The following ESR2 variants were observed in gnomAD, a reference collection of about 807,000 sequenced individuals.
The protein encoded by ESR2 is estrogen receptor 2, also known as estrogen receptor beta.
ESR2 carries 36 observed loss-of-function variants against 49.6 expected under a neutral mutation model. The ratio of observed to expected loss-of-function variants is 0.73; its 90% CI spans 0.56 to 0.96. The LOEUF is 0.96. Ranked by LOEUF, ESR2 falls within the 40% of genes least tolerant of loss-of-function variation. The pLI is 0.00. For synonymous variants in ESR2, 320 were observed against 266.1 expected (o/e 1.20, Z -1.97); for missense variants, 714 against 693.0 (o/e 1.03, Z -0.34).
chr14:64,253,889 T>C (rs1351580633), intron 6 of ESR2, among the ~76,000 whole-genome samples: 1 of 152,192 alleles, frequency 6.6e-6, no homozygotes, highest in African/African-American at 2.4e-5. Context: ...AATTTAACAT[T>C]AGTCAGTTGC....
intron 1 of ESR2, among the ~76,000 whole-genome samples, chr14:64,322,950 A>T (rs954695617): frequency 6.6e-6 from 1 of 152,228 alleles, no homozygotes; most frequent in Non-Finnish European, 1.5e-5. Flanking sequence ...TTATACAGTT[A>T]TTAAAGGAAG....
At chr14:64,268,747 G>C (rs1201198749) in intron 4 of ESR2, 48 bp downstream of exon 4, 1 of 1,101,844 alleles carries the variant, frequency 9.1e-7, no homozygotes, top group Non-Finnish European at 1.4e-6. Context: ...CAGAGGACAG[G>C]GCTTTTAGCA....
intron 1 of ESR2, among the ~76,000 whole-genome samples, chr14:64,335,331 G>T (rs1481063378): frequency 6.6e-6 from 1 of 152,090 alleles, no homozygotes; most frequent in Non-Finnish European, 1.5e-5. Context: ...CTTAACTTGG[G>T]CTGCTATAAC....
intron 1 of ESR2, among the ~76,000 whole-genome samples, chr14:64,310,780 A>T (rs907551201): frequency 6.6e-6 from 1 of 152,250 alleles, no homozygotes; most frequent in Non-Finnish European, 1.5e-5. Flanking sequence ...ACTTTTACGT[A>T]CAGTACTTTC....
At position 64,260,507 on chromosome 14, in the gene ESR2, C is replaced by A. The variant is rs1319596942; in HGVS notation, c.894G>T (p.Leu298=). ...PFTEASMMMS[L]TKLADKELVH... ...CCAACTCCTTGTCGGCCAACTTGGT[C>A]AGGGACATCATCATGGAGGCCTCGG... The change falls in exon 5 of 9, where the codon CTG becomes CTT. Residue 298 remains leucine (L), a synonymous_variant. Transcript: ENST00000341099. The A allele has an allele frequency of 4.5e-6, 7 of 1,542,802 alleles. No homozygotes were observed. The highest frequency in any genetic ancestry group is 4.1e-5 in the Admixed American group (2 of 48,544).
chr14:64,235,059 C>A lies in ESR2; in HGVS notation c.1317G>T (p.Trp439Cys), dbSNP rs113652563. 3.7e-4 allele frequency: 599 copies of A among 1,614,204 alleles called. No homozygotes were observed. Among genetic ancestry groups the A allele is most frequent in the Non-Finnish European group, 4.9e-4 (579 of 1,180,038 alleles). ...AGGAGATGCCGCTCTTGGCAATCAC[C>A]CAAACCAAAGCATCGGTCACGGCGT... is the stretch of plus-strand genomic sequence containing the variant. ...LLNAVTDALVWVIAKSGISSQ... is the reference protein window; with the variant it reads ...LLNAVTDALVCVIAKSGISSQ... Residue 439 changes from tryptophan to cysteine, a missense_variant, in exon 8 of 9, where the codon TGG (tryptophan) becomes TGT (cysteine). By Grantham distance (215) the Trp-to-Cys change is radical (BLOSUM62 -2). Coordinates refer to ENST00000341099, the MANE Select transcript of ESR2 (RefSeq NM_001437.3).
At chr14:64,310,445 T>C (rs2077174588) in intron 1 of ESR2, among the ~76,000 whole-genome samples, 1 of 151,740 alleles carries the variant, frequency 6.6e-6, no homozygotes, top group Non-Finnish European at 1.5e-5. Flanking sequence ...ATGAGTGCAG[T>C]TTGCCTTTTT....
chr14:64,247,674 G>C (rs555736666), intron 7 of ESR2, among the ~76,000 whole-genome samples: 6 of 152,140 alleles, frequency 3.9e-5, no homozygotes, highest in Non-Finnish European at 7.3e-5. Flanking sequence ...TAACCTAAAG[G>C]CTCGACAAGA....
chr14:64,295,793 C>G (rs2076948148), upstream of ESR2, among the ~76,000 whole-genome samples: 1 of 152,148 alleles, frequency 6.6e-6, no homozygotes, highest in South Asian at 2.1e-4. Flanking sequence ...CACCTATAAT[C>G]TCAGCACTTT....
intron 1 of ESR2, among the ~76,000 whole-genome samples, chr14:64,290,198 A>G (rs2076848689): frequency 1.3e-5 from 2 of 152,044 alleles, no homozygotes; most frequent in South Asian, 4.2e-4. Flanking sequence ...CAGCCCCCCA[A>G]GTAGCTGGGA....
rs558569581 is a variant in ESR2 at position 64,273,395 on chromosome 14, A to G, written c.536-4484T>C. Among the ~76,000 whole-genome samples, 19 of 152,268 alleles carry G rather than the reference A, an allele frequency of 1.2e-4. 1 individual carries two copies. The South Asian group carries it at 3.9e-3, about 32-fold the overall frequency. On this transcript the variant is annotated intron_variant, in intron 3 of 8. Coordinates refer to ENST00000341099, the MANE Select transcript of ESR2 (RefSeq NM_001437.3). ...GGCATCCTCGTCATGTTCCATATAG[A>G]GGAAAGGCTTTCAGTTTTTCTCCAT... is the stretch of plus-strand genomic sequence containing the variant.
intron 1 of ESR2, among the ~76,000 whole-genome samples, chr14:64,308,112 T>G (rs2077132940): frequency 6.6e-6 from 1 of 152,052 alleles, no homozygotes; most frequent in South Asian, 2.1e-4. Context: ...CCTCCCAGGC[T>G]CAAGCCACCC....
chr14:64,235,250 G>A (rs1341517654), intron 7 of ESR2, 100 bp from the exon 8 acceptor site: 1 of 1,240,902 alleles, frequency 8.1e-7, no homozygotes, highest in African/African-American at 1.5e-5. Context: ...GATCTGGGTT[G>A]CTTTGACAGC....
At chr14:64,294,761 A>G (rs193115405), upstream of ESR2, among the ~76,000 whole-genome samples, 21 of 152,310 alleles carry the variant, frequency 1.4e-4, no homozygotes, top group South Asian at 8.3e-4. Context: ...CAGTGGTGAA[A>G]CCAGAGAGGC....
chr14:64,333,433 T>C (rs1279638729), intron 1 of ESR2, among the ~76,000 whole-genome samples: 1 of 152,184 alleles, frequency 6.6e-6, no homozygotes, highest in Non-Finnish European at 1.5e-5. Flanking sequence ...TAAACATTAT[T>C]TTCTTTGTAG....
At chr14:64,276,569 C>G (rs1264135144) in intron 3 of ESR2, among the ~76,000 whole-genome samples, 1 of 152,148 alleles carries the variant, frequency 6.6e-6, no homozygotes, top group South Asian at 2.1e-4. Flanking sequence ...CTGTCAAGAA[C>G]TTTAAACATT....
intron 7 of ESR2, among the ~76,000 whole-genome samples, chr14:64,238,052 G>C (rs531578847): frequency 6.6e-6 from 1 of 152,290 alleles, no homozygotes; most frequent in South Asian, 2.1e-4. Context: ...TCACAATAAA[G>C]CTGTTACTAA....
At chr14:64,260,188 A>C (rs757083136) in intron 5 of ESR2, 4 of 717,500 alleles carry the variant, frequency 5.6e-6, no homozygotes, top group Admixed American at 1.8e-5. Context: ...TGGGCCACGC[A>C]CAACTCTTTC....
At chr14:64,246,738 A>AAAAAAAAAAAAAAAC (rs1326376746) in intron 7 of ESR2, among the ~76,000 whole-genome samples, 1 of 61,738 alleles carries the variant, frequency 1.6e-5, no homozygotes, top group African/African-American at 5.8e-5. Context: ...CTCTGTCAAA[A>AAAAAAAAAAAAAAAC]AAAAAAAAAA....
Sources: allele counts gnomAD v4.1 joint callset (sites outside exome capture counted in the v4.1 genomes callset), GRCh38; gene constraint gnomAD v4.1.1; transcripts MANE v1.5; gene names NCBI Gene and HGNC (gene_info 2026-07-23, HGNC 2026-07-21).